The following FGF13 variants were observed in gnomAD, a reference collection of about 807,000 sequenced individuals.
FGF13 encodes fibroblast growth factor homologous factor 2.
FGF13 carries 2 observed loss-of-function variants against 19.5 expected under a neutral mutation model. The observed-to-expected ratio is 0.10, with a 90% CI of 0.04 to 0.32. FGF13 has a LOEUF of 0.32. Among genes scored for constraint, FGF13 ranks in the 10% least tolerant of loss-of-function variants. The pLI is 1.00. For missense variants in FGF13, 113 were observed against 192.7 expected, an observed-to-expected ratio of 0.59 and a Z score of 2.45; for synonymous variants, 72 against 76.9, an observed-to-expected ratio of 0.94 and a Z score of 0.33.
chrX:138,937,153 G>A (rs142011106), intron 1 of FGF13, among the ~76,000 whole-genome samples: 1,385 of 110,768 alleles, frequency 0.013, 29 homozygotes, highest in African/African-American at 0.043. Context: ...CAGAGAGACT[G>A]AGTTTAGACA....
At position 139,162,462 on chromosome X, in the gene FGF13, G is replaced by A. The variant is rs369128095; in HGVS notation, c.-113+40954C>T. ...CCTAGAAGAAAACCTAGGCAATACC[G>A]TTCAGGACATAGGCACGGGCAAAGA... is the stretch of plus-strand genomic sequence containing the variant. On this transcript the variant is annotated intron_variant, in intron 1 of 2. Transcript: ENST00000421460. Among the ~76,000 whole-genome samples, 421 of 112,027 alleles carry A rather than the reference G, an allele frequency of 3.8e-3. 3 individuals carry two copies. The highest frequency in any genetic ancestry group is 0.012 in the African/African-American group (382 of 30,882).
rs1569436376 is a variant in FGF13, at chrX:138,984,841, T to TG, written c.-112-120192_-112-120191insC. 1.4e-3 allele frequency among the ~76,000 whole-genome samples: 150 copies of TG among 109,931 alleles called. 2 individuals carry two copies. Among genetic ancestry groups the TG allele is most frequent in the East Asian group, 0.012 (43 of 3,462 alleles). ...GTGTGTGTGTGTGTGTGTGTGTGTG[T>TG]TTTAATTTTTGTATTTTTTAAGAGC... On this transcript the variant is annotated intron_variant, in intron 1 of 2. Coordinates refer to the FGF13 transcript ENST00000421460.
intron 3 of FGF13, among the ~76,000 whole-genome samples, chrX:138,763,129 A>G (rs1057109749): frequency 9.0e-6 from 1 of 111,065 alleles, no homozygotes; most frequent in East Asian, 2.8e-4. Context: ...GTATTATATC[A>G]TATACACCAA....
In FGF13 at chrX:138,616,314, A is replaced by C. The variant is rs2088967072; in HGVS notation, c.*16536T>G. ...AAATGGGAGAAGTTGGCCAAAACAA[A>C]GGGGCTATAGGCCCATGCAAGTCCA... On this transcript the variant is annotated 3_prime_UTR_variant, in exon 5 of 5. Coordinates refer to ENST00000315930, the MANE Select transcript of FGF13 (RefSeq NM_004114.5). The C allele has an allele frequency of 8.9e-6, 1 of 112,665 alleles. No individual in the cohort carries two copies. The highest frequency in any genetic ancestry group is 1.9e-5 in the Non-Finnish European group (1 of 53,338). 9.3% of individuals were successfully genotyped at this position (112,665 alleles called of 1,213,427 possible).
chrX:138,880,457 T>A (rs750833497), intron 1 of FGF13, among the ~76,000 whole-genome samples: 1 of 111,501 alleles, frequency 9.0e-6, no homozygotes, highest in African/African-American at 3.3e-5. Flanking sequence ...ATAGACTGGA[T>A]AAAGAAAATA....
chrX:138,975,256 CATT>C (rs1332643675), intron 1 of FGF13, among the ~76,000 whole-genome samples: 2 of 112,686 alleles, frequency 1.8e-5, no homozygotes, highest in African/African-American at 6.4e-5. Flanking sequence ...GCAGGAAAGG[CATT>C]ATTATCTCCA....
At chrX:138,854,623 C>T (rs2091245968), downstream of FGF13, among the ~76,000 whole-genome samples, 2 of 112,353 alleles carry the variant, frequency 1.8e-5, no homozygotes, top group African/African-American at 3.2e-5. Flanking sequence ...GTAATTCCAA[C>T]TGTATCACAA....
intron 3 of FGF13, among the ~76,000 whole-genome samples, chrX:138,810,944 A>T (rs1362315662): frequency 8.9e-6 from 1 of 111,786 alleles, no homozygotes; most frequent in East Asian, 2.8e-4. Flanking sequence ...GTCAGGAAAC[A>T]ACAGGTGCTG....
chrX:138,772,029 T>C (rs1328293420), intron 3 of FGF13, among the ~76,000 whole-genome samples: 1 of 71,129 alleles, frequency 1.4e-5, no homozygotes, highest in Non-Finnish European at 2.6e-5. Flanking sequence ...TATATATATA[T>C]ATATATATAT....
intron 3 of FGF13, among the ~76,000 whole-genome samples, chrX:138,822,945 A>G (rs2091008819): frequency 8.9e-6 from 1 of 112,017 alleles, no homozygotes; most frequent in Non-Finnish European, 1.9e-5. Flanking sequence ...TACAGTACAT[A>G]TAGAGACTGT....
intron 4 of FGF13, among the ~76,000 whole-genome samples, chrX:138,633,204 ATAAAT>A (rs889400524): frequency 3.6e-5 from 4 of 111,700 alleles, no homozygotes; most frequent in Admixed American, 9.6e-5. Flanking sequence ...TGTGTCAATT[ATAAAT>A]TAAATTCAGA....
rs1472007379 is a variant in FGF13 at position 138,722,480 on chromosome X, G to A, written c.29-13552C>T. Among the ~76,000 whole-genome samples, 10 of 110,846 alleles carry A rather than the reference G, an allele frequency of 9.0e-5. No homozygotes were observed. In the East Asian group the frequency reaches 2.8e-3, roughly 31 times the overall value. ...AAAATTGGTCCATGAGAGGACAGGGGCCTGGGTTTAATTTTCAGAGCTACA... is the reference window on the plus strand; with the variant it reads ...AAAATTGGTCCATGAGAGGACAGGGACCTGGGTTTAATTTTCAGAGCTACA... On this transcript the variant is annotated intron_variant, in intron 1 of 4. Transcript: ENST00000305414.
At chrX:138,667,213 C>T (rs2089557772) in intron 3 of FGF13, among the ~76,000 whole-genome samples, 1 of 104,791 alleles carries the variant, frequency 9.5e-6, no homozygotes, top group Non-Finnish European at 1.9e-5. Context: ...TATATGTATA[C>T]ATATATAATA....
chrX:139,013,550 C>A (rs1228796776), intron 1 of FGF13, among the ~76,000 whole-genome samples: 2 of 89,549 alleles, frequency 2.2e-5, no homozygotes, highest in Non-Finnish European at 4.2e-5. Flanking sequence ...TACTATTCAG[C>A]CATAAAAAGG....
chrX:139,143,370 T>C (rs188547064), intron 1 of FGF13, among the ~76,000 whole-genome samples: 1 of 112,386 alleles, frequency 8.9e-6, no homozygotes, highest in African/African-American at 3.2e-5. Flanking sequence ...TTCCACACTT[T>C]GCAAAAACTG....
chrX:138,847,391 T>C (rs952090727), intron 3 of FGF13, among the ~76,000 whole-genome samples: 6 of 111,665 alleles, frequency 5.4e-5, no homozygotes, highest in African/African-American at 2.0e-4. Context: ...TTTGTAGATA[T>C]AGTCTTGGGG....
chrX:139,079,549 C>T (rs140866772), intron 1 of FGF13, among the ~76,000 whole-genome samples: 37 of 111,111 alleles, frequency 3.3e-4, no homozygotes, highest in African/African-American at 1.1e-3. Flanking sequence ...TTCAGAATCC[C>T]TATATGAGCA....
rs770314855 is a variant in FGF13, at chrX:139,055,107, T to C, written c.-113+148309A>G. Among the ~76,000 whole-genome samples the C allele has an allele frequency of 2.7e-5, 3 of 111,261 alleles. No individual in the cohort carries two copies. In the East Asian group the frequency reaches 8.5e-4, roughly 31 times the overall value. On this transcript the variant is annotated intron_variant, in intron 1 of 2. Transcript: ENST00000421460. ...GGAGGAGTCTTTAGGGTTTTCGAGG[T>C]AAACAATCATATTGTCAGCAGTGAC...
intron 3 of FGF13, among the ~76,000 whole-genome samples, chrX:138,805,904 T>C (rs1479178678): frequency 9.0e-6 from 1 of 111,271 alleles, no homozygotes; most frequent in Non-Finnish European, 1.9e-5. Flanking sequence ...GGGTCACTAC[T>C]CAAAACCTGG....
Sources: gnomAD v4.1 joint callset for allele counts (sites outside exome capture counted in the v4.1 genomes callset) on GRCh38, gnomAD v4.1.1 for gene constraint, MANE v1.5 for transcripts, NCBI Gene and HGNC (gene_info 2026-07-23, HGNC 2026-07-21) for gene names.